Variants in SYNE1 observed in about 807,000 individuals in gnomAD.
SYNE1 encodes nesprin-1.
In SYNE1, 616 loss-of-function variants were observed where a neutral mutation model predicts 1,111.0. That is an observed-to-expected ratio of 0.55 (90% CI 0.52 to 0.59). SYNE1 has a LOEUF of 0.59. Ranked by LOEUF, SYNE1 falls within the 20% of genes least tolerant of loss-of-function variation. The pLI is 0.00. For missense variants in SYNE1, 10,006 were observed against 10,417.0 expected (o/e 0.96, Z 1.72); for synonymous variants, 3,855 against 3,825.8 (o/e 1.01, Z -0.28).
At chr6:152,528,483 A>G (rs1178108918) in intron 4 of SYNE1, among the ~76,000 whole-genome samples, 1 of 152,212 alleles carries the variant, frequency 6.6e-6, no homozygotes, top group African/African-American at 2.4e-5. Context: ...TGACTACCTC[A>G]CATTTAATTT....
chr6:152,545,413 C>G (rs919931882), intron 3 of SYNE1, among the ~76,000 whole-genome samples: 1 of 151,984 alleles, frequency 6.6e-6, no homozygotes, highest in Non-Finnish European at 1.5e-5. Context: ...AACCCTGTCT[C>G]TATGAATAAT....
Position 152,367,392 on chromosome 6 carries a change from A to T in SYNE1, c.9808-10T>A, listed in dbSNP as rs754163922. On this transcript the variant is annotated splice_polypyrimidine_tract_variant and intron_variant, in intron 61 of 145. Coordinates refer to ENST00000367255, the MANE Select transcript of SYNE1 (RefSeq NM_182961.4). ...GTCTTGACACTTTCTCCTGGAAATG[A>T]CAGAAATGGTTTTCGAGCTGTCCAT... The T allele has an allele frequency of 1.2e-6, 2 of 1,613,804 alleles. No homozygotes were observed. The highest frequency in any genetic ancestry group is 1.7e-6 in the Non-Finnish European group (2 of 1,180,038).
intron 78 of SYNE1, among the ~76,000 whole-genome samples, chr6:152,327,412 T>C (rs550227673): frequency 6.6e-6 from 1 of 152,302 alleles, no homozygotes; most frequent in South Asian, 2.1e-4. Flanking sequence ...TAGTAACCTG[T>C]GAGTCTTGTA....
chr6:152,138,236 C>T (rs1487585511), intron 140 of SYNE1, among the ~76,000 whole-genome samples: 1 of 152,070 alleles, frequency 6.6e-6, no homozygotes, highest in Non-Finnish European at 1.5e-5. Flanking sequence ...ACAGACCAGG[C>T]GCAATGGCTC....
At chr6:152,401,469 T>C (rs1285606297) in intron 46 of SYNE1, 128 bp from the exon 47 acceptor site, 2 of 882,664 alleles carry the variant, frequency 2.3e-6, no homozygotes, top group East Asian at 2.6e-5. Context: ...CCAGCTCCAA[T>C]GTTAATATGC....
At position 152,456,048 on chromosome 6, in the gene SYNE1, T is replaced by C. The variant is rs1160035638; in HGVS notation, c.2569-4A>G. 4 of 1,612,050 alleles carry C rather than the reference T, an allele frequency of 2.5e-6. No homozygotes were observed. Among genetic ancestry groups the C allele is most frequent in the African/African-American group, 1.3e-5 (1 of 74,974 alleles). ...TTTCTTGACAAGCTAACAGTTCCTA[T>C]AACGAAATGAAACCCCACAACAATG... On this transcript the variant is annotated splice_polypyrimidine_tract_variant and splice_region_variant and intron_variant, in intron 22 of 145. Coordinates refer to ENST00000367255, the MANE Select transcript of SYNE1 (RefSeq NM_182961.4).
In SYNE1 at chr6:152,211,505, T is replaced by C. The variant is rs1388558054; in HGVS notation, c.22578A>G (p.Gln7526=). The C allele has an allele frequency of 6.2e-7, 1 of 1,613,480 alleles. No homozygotes were observed. Among genetic ancestry groups the C allele is most frequent in the African/African-American group, 1.3e-5 (1 of 75,000 alleles). ...ATCAAAGATCCTACCTGTCATCAACTTGACCTTGTTCTAGAAGACGTTGCC... is the reference window on the plus strand; with the variant it reads ...ATCAAAGATCCTACCTGTCATCAACCTGACCTTGTTCTAGAAGACGTTGCC... ...IDGQRLLEQG[Q]VDDRDEFNLK... The change falls in exon 124 of 146, where the codon CAA becomes CAG. Residue 7526 remains glutamine, a synonymous_variant. Coordinates refer to ENST00000367255, the MANE Select transcript of SYNE1 (RefSeq NM_182961.4).
chr6:152,604,853 C>G (rs1583274232), intron 3 of SYNE1, among the ~76,000 whole-genome samples: 1 of 149,830 alleles, frequency 6.7e-6, no homozygotes, highest in East Asian at 2.0e-4. Context: ...ACTCGGGAGG[C>G]TGAAGTAGGA....
chr6:152,431,135 T>C (rs1310121655), intron 34 of SYNE1, among the ~76,000 whole-genome samples: 1 of 152,190 alleles, frequency 6.6e-6, no homozygotes, highest in Non-Finnish European at 1.5e-5. Flanking sequence ...TAAAATTCAG[T>C]TGAGTATTTT....
chr6:152,455,768 G>C (rs1357970679), intron 23 of SYNE1, 118 bp downstream of exon 23: 1 of 1,441,404 alleles, frequency 6.9e-7, no homozygotes, highest in Non-Finnish European at 9.7e-7. Flanking sequence ...ACAATGATTG[G>C]CTTCCAAACA....
At chr6:152,415,294 T>C (rs533519627) in intron 41 of SYNE1, among the ~76,000 whole-genome samples, 39 of 152,322 alleles carry the variant, frequency 2.6e-4, no homozygotes, top group African/African-American at 9.1e-4. Context: ...TGACAAAAGC[T>C]CAGCTTTGCT....
chr6:152,271,895 T>A (rs553821521), intron 98 of SYNE1, among the ~76,000 whole-genome samples: 36 of 152,298 alleles, frequency 2.4e-4, no homozygotes, highest in Non-Finnish European at 4.0e-4. Flanking sequence ...AGCAAAAATT[T>A]GTTTTTCAGA....
intron 18 of SYNE1, among the ~76,000 whole-genome samples, chr6:152,463,987 T>C (rs182553728): frequency 1.1e-4 from 17 of 152,344 alleles, no homozygotes; most frequent in Admixed American, 1.0e-3. Flanking sequence ...TTGGGGCTTT[T>C]ATTCCTTTTT....
intron 100 of SYNE1, among the ~76,000 whole-genome samples, chr6:152,262,813 G>C (rs2092200285): frequency 6.6e-6 from 1 of 151,804 alleles, no homozygotes; most frequent in Non-Finnish European, 1.5e-5. Flanking sequence ...ATAGGACATG[G>C]AGAGATAGGA....
intron 3 of SYNE1, among the ~76,000 whole-genome samples, chr6:152,591,333 T>A (rs902687729): frequency 6.6e-6 from 1 of 152,018 alleles, no homozygotes; most frequent in African/African-American, 2.4e-5. Flanking sequence ...TGGAACAGAA[T>A]AGAAAATTTA....
At chr6:152,165,839 A>G (rs887877585) in intron 130 of SYNE1, among the ~76,000 whole-genome samples, 3 of 152,244 alleles carry the variant, frequency 2.0e-5, no homozygotes, top group African/African-American at 7.2e-5. Context: ...CAGTTTTATT[A>G]TGGCTACTGG....
At chr6:152,628,957 T>C (rs2099691958) in intron 2 of SYNE1, among the ~76,000 whole-genome samples, 1 of 152,198 alleles carries the variant, frequency 6.6e-6, no homozygotes, top group Non-Finnish European at 1.5e-5. Flanking sequence ...TTTTGCTCTG[T>C]TGCGTTGTAC....
At chr6:152,337,975 C>A (rs565139787) in intron 75 of SYNE1, among the ~76,000 whole-genome samples, 46 of 152,118 alleles carry the variant, frequency 3.0e-4, no homozygotes, top group African/African-American at 1.1e-3. Context: ...CAGTGAAACC[C>A]TTTCTCTACT....
chr6:152,158,605 C>T (rs2061821286), intron 131 of SYNE1, among the ~76,000 whole-genome samples: 1 of 152,148 alleles, frequency 6.6e-6, no homozygotes, highest in Admixed American at 6.5e-5. Context: ...TTACATGAAA[C>T]AATATGTCAC....
Sources: allele counts gnomAD v4.1 joint callset (sites outside exome capture counted in the v4.1 genomes callset), GRCh38; gene constraint gnomAD v4.1.1; transcripts MANE v1.5; gene names NCBI Gene and HGNC (gene_info 2026-07-23, HGNC 2026-07-21).